Variants in DYNC1H1 observed in about 807,000 individuals in gnomAD.
DYNC1H1 encodes cytoplasmic dynein 1 heavy chain 1.
DYNC1H1 carries 51 observed loss-of-function variants against 527.1 expected under a neutral mutation model. The observed-to-expected ratio is 0.10, with a 90% CI of 0.08 to 0.12. The LOEUF (loss-of-function observed/expected upper bound fraction) is 0.12. Among genes scored for constraint, DYNC1H1 ranks in the 10% least tolerant of loss-of-function variants. DYNC1H1 has a pLI of 1.00. For missense variants in DYNC1H1, 2,771 were observed against 5,971.8 expected (o/e 0.46, Z 17.66); for synonymous variants, 2,189 against 2,278.8 (o/e 0.96, Z 1.12).
Position 102,002,128 on chromosome 14 carries a change from T to C in DYNC1H1, c.4543-409T>C, listed in dbSNP as rs992266634. 6.6e-6 allele frequency among the ~76,000 whole-genome samples: 1 copy of C among 151,872 alleles called. No individual in the cohort carries two copies. Among genetic ancestry groups the C allele is most frequent in the Non-Finnish European group, 1.5e-5 (1 of 67,958 alleles). ...TTTTTGTTTTTTTTTTTTCTTTTTTTGAGATGGAGTCTCGCTCTGTCACCC... is the reference window on the plus strand; with the variant it reads ...TTTTTGTTTTTTTTTTTTCTTTTTTCGAGATGGAGTCTCGCTCTGTCACCC... On this transcript the variant is annotated intron_variant, in intron 21 of 77. Transcript: ENST00000360184. This position sits in a 1 kb window ranked among gnomAD's most constrained non-coding sequence, Gnocchi z 4.4.
chr14:102,046,375 GCT>G (rs1454641802), intron 72 of DYNC1H1, among the ~76,000 whole-genome samples: 3 of 152,186 alleles, frequency 2.0e-5, no homozygotes, highest in Non-Finnish European at 4.4e-5. Context: ...CAAGGGCATT[GCT>G]GAAACTCACA....
At chr14:102,032,176 G>A (rs1331532393) in intron 51 of DYNC1H1, 96 bp from the exon 52 acceptor site, 3 of 1,445,904 alleles carry the variant, frequency 2.1e-6, no homozygotes, top group East Asian at 4.5e-5. Flanking sequence ...TTCTCTCATT[G>A]GAGTTGGAGC....
chr14:102,003,656 G>A (rs567736620), intron 23 of DYNC1H1, among the ~76,000 whole-genome samples: 3 of 152,330 alleles, frequency 2.0e-5, no homozygotes, highest in South Asian at 2.1e-4. Flanking sequence ...TAGGCCGGGC[G>A]TGGTGGCTCA....
chr14:102,013,554 G>A lies in DYNC1H1; in HGVS notation c.7014+1084G>A, dbSNP rs192251422. Among the ~76,000 whole-genome samples the A allele has an allele frequency of 5.3e-5, 8 of 152,214 alleles. No homozygotes were observed. In the East Asian group the frequency reaches 1.2e-3, roughly 22 times the overall value. On this transcript the variant is annotated intron_variant, in intron 34 of 77. Coordinates refer to ENST00000360184, the MANE Select transcript of DYNC1H1 (RefSeq NM_001376.5). The stretch of plus-strand genomic sequence containing the variant: ...TACTTGAGGACAGCAAGGGGCAGTC[G>A]GCTGAAGCGGAGAGGACTGGGGAGG...
At chr14:101,999,089 A>G (rs561323962) in intron 16 of DYNC1H1, among the ~76,000 whole-genome samples, 210 of 152,116 alleles carry the variant, frequency 1.4e-3, no homozygotes, top group Non-Finnish European at 2.2e-3. Context: ...TCAATGTGTT[A>G]GCCAGGATGG....
Position 102,021,419 on chromosome 14 carries a change from T to C in DYNC1H1, c.8508-1332T>C, listed in dbSNP as rs549516707. 7.2e-5 allele frequency among the ~76,000 whole-genome samples: 11 copies of C among 152,212 alleles called. No homozygotes were observed. In the South Asian group the frequency reaches 1.2e-3, roughly 17 times the overall value. ...CAGATTTCTAGTACCACAGAGAATT[T>C]TGTTTAAATTCAAATGTCGCAACAG... On this transcript the variant is annotated intron_variant, in intron 42 of 77. Coordinates refer to ENST00000360184, the MANE Select transcript of DYNC1H1 (RefSeq NM_001376.5).
chr14:101,975,628 A>G, intron 1 of DYNC1H1, 84 bp from the exon 2 acceptor site: 3 of 1,273,394 alleles, frequency 2.4e-6, no homozygotes, highest in Non-Finnish European at 3.4e-6. Flanking sequence ...GGGAGTAGGG[A>G]GAAAATAGTC....
rs1045069627 is a variant in DYNC1H1 at position 102,049,650 on chromosome 14, G to A, written c.13516-64G>A. 7 of 1,613,258 alleles carry A rather than the reference G, an allele frequency of 4.3e-6. No homozygotes were observed. Among genetic ancestry groups the A allele is most frequent in the Non-Finnish European group, 5.9e-6 (7 of 1,180,026 alleles). ...CTGGGCTGGGGTGGGAGTGGCTCTG[G>A]GGAAAAACACAGGGCCCAGGTCTGA... On this transcript the variant is annotated intron_variant, in intron 75 of 77. Coordinates refer to ENST00000360184, the MANE Select transcript of DYNC1H1 (RefSeq NM_001376.5). This position sits in a 1 kb window ranked among gnomAD's most constrained non-coding sequence, Gnocchi z 5.5.
At chr14:102,023,205 A>G (rs1355653716) in intron 43 of DYNC1H1, 1 of 378,026 alleles carries the variant, frequency 2.6e-6, no homozygotes. Context: ...TCACACCACC[A>G]TACTGCAGCC....
At position 101,986,781 on chromosome 14, in the gene DYNC1H1, C is replaced by G; in HGVS notation, c.2538+18C>G. The G allele has an allele frequency of 6.2e-7, 1 of 1,613,338 alleles. No homozygotes were observed. Among genetic ancestry groups the G allele is most frequent in the South Asian group, 1.1e-5 (1 of 91,030 alleles). Reference sequence around the variant, plus strand: ...AAGAAAAGGTATGCTCTCATGTAATCCTCAGGTGTCCTGGTAACGAATGAA... The same window carrying G: ...AAGAAAAGGTATGCTCTCATGTAATGCTCAGGTGTCCTGGTAACGAATGAA... On this transcript the variant is annotated intron_variant, in intron 8 of 77. Transcript: ENST00000360184. This position sits in a 1 kb window ranked among gnomAD's most constrained non-coding sequence, Gnocchi z 8.7.
In DYNC1H1 at chr14:101,997,619, T is replaced by C. The variant is rs1296937442; in HGVS notation, c.3804+345T>C. On this transcript the variant is annotated intron_variant, in intron 16 of 77. Transcript: ENST00000360184. This position sits in a 1 kb window ranked among gnomAD's most constrained non-coding sequence, Gnocchi z 4.8. ...CTGCTGCTAGTTAATTTAATTTTGG[T>C]TGGATGGTCTCTGTTTTTGCCAGTG... Among the ~76,000 whole-genome samples, 6 of 152,172 alleles carry C rather than the reference T, an allele frequency of 3.9e-5. No individual in the cohort carries two copies. In the South Asian group the frequency reaches 8.3e-4, roughly 21 times the overall value.
chr14:102,038,340 G>A lies in DYNC1H1; in HGVS notation c.10909-120G>A, dbSNP rs1014525194. The A allele has an allele frequency of 1.7e-5, 25 of 1,506,174 alleles. No homozygotes were observed. Among genetic ancestry groups the A allele is most frequent in the South Asian group, 1.4e-4 (12 of 84,680 alleles). 93.3% of individuals were successfully genotyped at this position (1,506,174 alleles called of 1,614,324 possible). A position where few individuals can be genotyped will look rare whatever the true frequency, so the allele number is the denominator to read the frequency against. ...CACACATAGCTAGTGGCCACCACAC[G>A]CAAGTGGCGGGTGGCTTTTGGGAAG... On this transcript the variant is annotated intron_variant, in intron 57 of 77. Transcript: ENST00000360184. This position sits in a 1 kb window ranked among gnomAD's most constrained non-coding sequence, Gnocchi z 7.2.
At chr14:101,972,507 C>A (rs1413980117) in intron 1 of DYNC1H1, among the ~76,000 whole-genome samples, 1 of 152,216 alleles carries the variant, frequency 6.6e-6, no homozygotes, top group Non-Finnish European at 1.5e-5. Context: ...GGTGTGCCTT[C>A]CTGAGCTGAA....
chr14:102,004,205 C>T (rs1488111987), intron 23 of DYNC1H1, among the ~76,000 whole-genome samples: 4 of 152,062 alleles, frequency 2.6e-5, no homozygotes, highest in African/African-American at 4.8e-5. Flanking sequence ...GATCGTGCCA[C>T]TGCACTCCAG....
rs1317737610 is a variant in DYNC1H1, at chr14:102,052,845, T to C, written c.*2282T>C. 1 of 152,238 alleles carries C rather than the reference T, an allele frequency of 6.6e-6. No homozygotes were observed. The highest frequency in any genetic ancestry group is 1.5e-5 in the Non-Finnish European group (1 of 68,050). 9.4% of individuals were successfully genotyped at this position (152,238 alleles called of 1,614,324 possible). On this transcript the variant is annotated 3_prime_UTR_variant, in exon 78 of 78. Transcript: ENST00000360184. ...CTTCTATGACAAGAATGTGGGTTTT[T>C]TGTGACAGGGCGTCTACTATATGAA...
chr14:101,970,914 A>G (rs1449098108), intron 1 of DYNC1H1, among the ~76,000 whole-genome samples: 1 of 152,056 alleles, frequency 6.6e-6, no homozygotes, highest in African/African-American at 2.4e-5. Flanking sequence ...GACTTGCTGT[A>G]TGGCTGGGAG....
chr14:101,976,604 T>C (rs1328716005), intron 2 of DYNC1H1, among the ~76,000 whole-genome samples: 1 of 151,904 alleles, frequency 6.6e-6, no homozygotes, highest in African/African-American at 2.4e-5. Flanking sequence ...TTAAATTCAG[T>C]GTCTTTGATT....
At chr14:101,999,846 G>A (rs574397079) in intron 16 of DYNC1H1, 143 bp from the exon 17 acceptor site, 7 of 1,144,984 alleles carry the variant, frequency 6.1e-6, no homozygotes, top group East Asian at 2.5e-5. Context: ...TGGACATCTT[G>A]TTGAATGTTT....
intron 42 of DYNC1H1, among the ~76,000 whole-genome samples, chr14:102,022,254 T>G (rs966439198): frequency 6.6e-6 from 1 of 151,650 alleles, no homozygotes; most frequent in African/African-American, 2.4e-5. Context: ...CCCAGCACTT[T>G]GGGAGGCCGA....
Sources: allele counts gnomAD v4.1 joint callset (sites outside exome capture counted in the v4.1 genomes callset), GRCh38; gene constraint gnomAD v4.1.1; non-coding constraint Gnocchi (gnomAD v3.1); transcripts MANE v1.5; gene names NCBI Gene and HGNC (gene_info 2026-07-23, HGNC 2026-07-21).